Variants in SLC24A2 observed in about 807,000 individuals in gnomAD.
SLC24A2 encodes the protein sodium/potassium/calcium exchanger 2.
A neutral mutation model predicts 62.0 loss-of-function variants in SLC24A2; 36 were observed. The ratio of observed to expected loss-of-function variants is 0.58; its 90% CI spans 0.44 to 0.77. The LOEUF (loss-of-function observed/expected upper bound fraction) is 0.77. Among genes scored for constraint, SLC24A2 ranks in the 30% least tolerant of loss-of-function variants. The pLI, the probability that SLC24A2 is intolerant of heterozygous loss-of-function variation, is 0.00. For synonymous variants in SLC24A2, 358 were observed against 294.0 expected, an observed-to-expected ratio of 1.22 and a Z score of -2.23; for missense variants, 846 against 817.9, an observed-to-expected ratio of 1.03 and a Z score of -0.42.
At chr9:19,761,755 G>C (rs1209637241) in intron 2 of SLC24A2, among the ~76,000 whole-genome samples, 1 of 152,078 alleles carries the variant, frequency 6.6e-6, no homozygotes, top group Admixed American at 6.6e-5. Context: ...CCTTGCGATA[G>C]TTTGCTGAGA....
At chr9:19,678,137 T>G (rs564024901) in intron 2 of SLC24A2, among the ~76,000 whole-genome samples, 1 of 152,212 alleles carries the variant, frequency 6.6e-6, no homozygotes, top group Non-Finnish European at 1.5e-5. Flanking sequence ...AGGACTGTTA[T>G]GAAGATTAAA....
rs547086964 is a variant in SLC24A2, at chr9:19,684,519, C to G, written c.931-62220G>C. Among the ~76,000 whole-genome samples, 5 of 152,140 alleles carry G rather than the reference C, an allele frequency of 3.3e-5. No individual in the cohort carries two copies. In the South Asian group the frequency reaches 1.0e-3, roughly 32 times the overall value. On this transcript the variant is annotated intron_variant, in intron 2 of 10. Transcript: ENST00000341998. ...CTTAAAGACCCACACTACAAGTGAG[C>G]ATAACAGCACCAAATAACTAAGGAA...
chr9:19,807,354 T>G, the SLC24A2 span, among the ~76,000 whole-genome samples: 1 of 152,260 alleles, frequency 6.6e-6, no homozygotes, highest in African/African-American at 2.4e-5. Flanking sequence ...TTTCTGTTAG[T>G]ACAGGAAGTT....
chr9:19,841,039 CT>C, the SLC24A2 span, among the ~76,000 whole-genome samples: 2 of 152,088 alleles, frequency 1.3e-5, no homozygotes, highest in South Asian at 2.1e-4. Context: ...GAACCATAGA[CT>C]TTTCAATCAC....
the SLC24A2 span, among the ~76,000 whole-genome samples, chr9:19,848,828 G>A: frequency 7.9e-3 from 1,209 of 152,238 alleles, 21 homozygotes; most frequent in African/African-American, 0.028. Context: ...TTGTGTCACC[G>A]ACTTGACCTG....
At chr9:20,140,057 A>G in the SLC24A2 span, among the ~76,000 whole-genome samples, 1 of 152,236 alleles carries the variant, frequency 6.6e-6, no homozygotes, top group South Asian at 2.1e-4. Flanking sequence ...ATCCCAGCAC[A>G]TTGAAAAGAG....
the SLC24A2 span, chr9:19,926,478 G>C: frequency 6.6e-6 from 1 of 152,046 alleles, no homozygotes; most frequent in African/African-American, 2.4e-5. Context: ...CCAGTTCTTT[G>C]CAAATGTCAT....
intron 2 of SLC24A2, among the ~76,000 whole-genome samples, chr9:19,704,122 A>G (rs1421919893): frequency 1.3e-5 from 2 of 149,194 alleles, no homozygotes; most frequent in Non-Finnish European, 3.0e-5. Context: ...CTGTGGACCA[A>G]TATTTTCACC....
intron 2 of SLC24A2, among the ~76,000 whole-genome samples, chr9:19,738,653 C>T (rs1202391752): frequency 6.6e-6 from 1 of 152,022 alleles, no homozygotes; most frequent in African/African-American, 2.4e-5. Context: ...AGAATTTCAT[C>T]ATGTGAATAT....
At chr9:20,041,172 G>C in the SLC24A2 span, among the ~76,000 whole-genome samples, 410 of 148,358 alleles carry the variant, frequency 2.8e-3, 1 homozygote, top group African/African-American at 9.4e-3. Flanking sequence ...GTGCGCACGT[G>C]TGCGCGCAGA....
At chr9:19,578,570 G>T (rs1283906449) in intron 5 of SLC24A2, among the ~76,000 whole-genome samples, 1 of 148,276 alleles carries the variant, frequency 6.7e-6, no homozygotes, top group African/African-American at 2.5e-5. Context: ...TTTTTTTCCG[G>T]CTTGTGTTCT....
At chr9:20,067,590 G>C in the SLC24A2 span, among the ~76,000 whole-genome samples, 1 of 151,838 alleles carries the variant, frequency 6.6e-6, no homozygotes, top group African/African-American at 2.4e-5. Flanking sequence ...TTTGTGTCCA[G>C]GTGTACTCAA....
chr9:20,067,878 C>T, the SLC24A2 span, among the ~76,000 whole-genome samples: 1 of 152,070 alleles, frequency 6.6e-6, no homozygotes, highest in Non-Finnish European at 1.5e-5. Flanking sequence ...GTGTAACTAT[C>T]TATTTTCCTT....
At chr9:19,979,121 C>T in the SLC24A2 span, among the ~76,000 whole-genome samples, 1 of 152,202 alleles carries the variant, frequency 6.6e-6, no homozygotes, top group Non-Finnish European at 1.5e-5. Context: ...ACATCTCTTT[C>T]TGGCAGCTTT....
At chr9:19,860,742 G>A in the SLC24A2 span, among the ~76,000 whole-genome samples, 1 of 152,138 alleles carries the variant, frequency 6.6e-6, no homozygotes, top group African/African-American at 2.4e-5. Context: ...AGACCAGGAG[G>A]CATTCATGAC....
chr9:19,563,219 G>C (rs796093990), intron 7 of SLC24A2, among the ~76,000 whole-genome samples: 58 of 152,196 alleles, frequency 3.8e-4, no homozygotes, highest in African/African-American at 1.3e-3. Flanking sequence ...AGTGGTGTCA[G>C]ACATAAATAC....
At position 19,599,703 on chromosome 9, in the gene SLC24A2, G is replaced by A. The variant is rs1028122220; in HGVS notation, c.1079-2424C>T. Among the ~76,000 whole-genome samples, 3 of 152,232 alleles carry A rather than the reference G, an allele frequency of 2.0e-5. No individual in the cohort carries two copies. Reference sequence around the variant, plus strand: ...GGAGGTGCAGAAAGAGAAATGACATGCGACTAGGACAAAAAGCATGCATGC... The same window carrying A: ...GGAGGTGCAGAAAGAGAAATGACATACGACTAGGACAAAAAGCATGCATGC... On this transcript the variant is annotated intron_variant, in intron 4 of 10. Coordinates refer to ENST00000341998, the MANE Select transcript of SLC24A2 (RefSeq NM_020344.4). This position sits in a 1 kb window ranked among gnomAD's most constrained non-coding sequence, Gnocchi z 4.5.
the SLC24A2 span, among the ~76,000 whole-genome samples, chr9:20,003,810 T>C: frequency 6.6e-6 from 1 of 151,780 alleles, no homozygotes; most frequent in Admixed American, 6.6e-5. Flanking sequence ...CAGATTTGAC[T>C]GGCAAGAAGT....
chr9:20,184,191 G>T, the SLC24A2 span, among the ~76,000 whole-genome samples: 1 of 152,128 alleles, frequency 6.6e-6, no homozygotes, highest in African/African-American at 2.4e-5. Context: ...AATTATCACG[G>T]AAATGGAAAT....
Sources: allele counts gnomAD v4.1 joint callset (sites outside exome capture counted in the v4.1 genomes callset), GRCh38; gene constraint gnomAD v4.1.1; non-coding constraint Gnocchi (gnomAD v3.1); transcripts MANE v1.5; gene names NCBI Gene and HGNC (gene_info 2026-07-23, HGNC 2026-07-21).